The following FAT3 variants were observed in gnomAD, a reference collection of about 807,000 sequenced individuals.
FAT3 encodes FAT atypical cadherin 3.
FAT3 carries 95 observed loss-of-function variants against 310.2 expected under a neutral mutation model. The ratio of observed to expected loss-of-function variants is 0.31; its 90% CI spans 0.26 to 0.36. The LOEUF (loss-of-function observed/expected upper bound fraction) is 0.36. Ranked by LOEUF, FAT3 falls within the 10% of genes least tolerant of loss-of-function variation. FAT3 has a pLI of 1.00. For missense variants in FAT3, 5,408 were observed against 5,715.6 expected, an observed-to-expected ratio of 0.95 and a Z score of 1.74; for synonymous variants, 2,314 against 2,192.9, an observed-to-expected ratio of 1.06 and a Z score of -1.54.
At chr11:92,884,230 T>G (rs1178870864) in intron 24 of FAT3, among the ~76,000 whole-genome samples, 2 of 152,210 alleles carry the variant, frequency 1.3e-5, no homozygotes, top group Non-Finnish European at 2.9e-5. Flanking sequence ...GGATACATTT[T>G]AACAGCAGCA....
chr11:92,437,641 G>C (rs2135058445), intron 2 of FAT3, among the ~76,000 whole-genome samples: 1 of 152,290 alleles, frequency 6.6e-6, no homozygotes, highest in South Asian at 2.1e-4. Flanking sequence ...TTTTCAACAG[G>C]TGTCAGTGAT....
At chr11:92,377,632 A>G (rs970534623) in intron 2 of FAT3, among the ~76,000 whole-genome samples, 3 of 152,204 alleles carry the variant, frequency 2.0e-5, no homozygotes, top group Non-Finnish European at 4.4e-5. Context: ...CTCTTGGTTC[A>G]GGATCAGCTG....
At chr11:92,848,830 A>C (rs1948748894) in intron 19 of FAT3, among the ~76,000 whole-genome samples, 1 of 152,230 alleles carries the variant, frequency 6.6e-6, no homozygotes. Flanking sequence ...GTGTATAAAG[A>C]GGAATCACTG....
intron 2 of FAT3, among the ~76,000 whole-genome samples, chr11:92,438,105 T>C (rs1950984647): frequency 6.6e-6 from 1 of 152,106 alleles, no homozygotes; most frequent in Admixed American, 6.6e-5. Flanking sequence ...GATATAATGA[T>C]TAAAAAACAA....
rs566387294 is a variant in FAT3 at position 92,266,734 on chromosome 11, TAG to T, written c.-18+41567_-18+41568del. Among the ~76,000 whole-genome samples, 226 of 152,244 alleles carry T rather than the reference TAG, an allele frequency of 1.5e-3. 1 individual carries two copies. The highest frequency in any genetic ancestry group is 5.3e-3 in the African/African-American group (220 of 41,572). On this transcript the variant is annotated intron_variant, in intron 1 of 27. Transcript: ENST00000525166. The stretch of plus-strand genomic sequence containing the variant: ...GAGACTAATTCCTTGTTCCATTTTG[TAG>T]AGAGAGTGTTTCTTCTGTTTGTTGG...
At chr11:92,486,704 C>G (rs755558914) in intron 2 of FAT3, among the ~76,000 whole-genome samples, 5 of 152,148 alleles carry the variant, frequency 3.3e-5, no homozygotes, top group Admixed American at 6.5e-5. Flanking sequence ...ACTCTATTCT[C>G]TAAGTCTTTG....
chr11:92,860,097 G>C (rs1050712881), intron 21 of FAT3, among the ~76,000 whole-genome samples: 1 of 152,196 alleles, frequency 6.6e-6, no homozygotes, highest in Non-Finnish European at 1.5e-5. Context: ...AGCTACTTGG[G>C]AGGCTGAGGC....
intron 2 of FAT3, among the ~76,000 whole-genome samples, chr11:92,510,529 A>G (rs544005772): frequency 6.6e-6 from 1 of 152,304 alleles, no homozygotes; most frequent in African/African-American, 2.4e-5. Context: ...AAGAGTTTTT[A>G]TAGAGAGAAG....
At chr11:92,431,179 C>T (rs1210691805) in intron 2 of FAT3, among the ~76,000 whole-genome samples, 9 of 152,146 alleles carry the variant, frequency 5.9e-5, no homozygotes. Context: ...CCTGTTGTTT[C>T]CTGACTTTTT....
chr11:92,493,152 C>T (rs1952657169), intron 2 of FAT3, among the ~76,000 whole-genome samples: 1 of 152,070 alleles, frequency 6.6e-6, no homozygotes, highest in Non-Finnish European at 1.5e-5. Flanking sequence ...TGTCTCAAAC[C>T]TGCCTGCACC....
chr11:92,614,635 A>T (rs1461859607), intron 3 of FAT3, among the ~76,000 whole-genome samples: 1 of 152,186 alleles, frequency 6.6e-6, no homozygotes. Flanking sequence ...TATGATTTCC[A>T]AATTATTTCT....
intron 5 of FAT3, among the ~76,000 whole-genome samples, chr11:92,764,324 C>G (rs913601292): frequency 6.6e-6 from 1 of 152,110 alleles, no homozygotes; most frequent in Non-Finnish European, 1.5e-5. Flanking sequence ...CTTTCCCAGC[C>G]CACTCTATCT....
chr11:92,376,391 A>G (rs1949346295), intron 2 of FAT3, among the ~76,000 whole-genome samples: 3 of 152,232 alleles, frequency 2.0e-5, no homozygotes, highest in African/African-American at 7.2e-5. Flanking sequence ...ACAGAGGGAA[A>G]TAACAGTGGG....
intron 3 of FAT3, among the ~76,000 whole-genome samples, chr11:92,616,044 G>C: frequency 6.6e-6 from 1 of 152,158 alleles, no homozygotes; most frequent in East Asian, 1.9e-4. Flanking sequence ...TTAACTTTCT[G>C]TCTCATTGAT....
Position 92,570,111 on chromosome 11 carries a change from G to A in FAT3, c.3607+45163G>A, listed in dbSNP as rs184161769. ...CATGTAGTAAAATTGAGCAATGGCT[G>A]TTGAGTAAAGAACACGGTGAATATG... On this transcript the variant is annotated intron_variant, in intron 3 of 27. Coordinates refer to ENST00000525166, the MANE Select transcript of FAT3 (RefSeq NM_001367949.2). Among the ~76,000 whole-genome samples, 12 of 152,294 alleles carry A rather than the reference G, an allele frequency of 7.9e-5. No individual in the cohort carries two copies. In the South Asian group the frequency reaches 1.9e-3, roughly 24 times the overall value.
At chr11:92,529,373 A>C (rs1307442574) in intron 3 of FAT3, among the ~76,000 whole-genome samples, 1 of 152,208 alleles carries the variant, frequency 6.6e-6, no homozygotes, top group Non-Finnish European at 1.5e-5. Flanking sequence ...AAACAAGTGA[A>C]GCTTACCAGA....
chr11:92,697,678 G>A (rs1591620135), intron 4 of FAT3, among the ~76,000 whole-genome samples: 2 of 152,188 alleles, frequency 1.3e-5, no homozygotes, highest in Non-Finnish European at 2.9e-5. Context: ...GAAGGCAATG[G>A]TGTATCACCG....
chr11:92,434,219 G>A (rs1354739779), intron 2 of FAT3, among the ~76,000 whole-genome samples: 1 of 152,080 alleles, frequency 6.6e-6, no homozygotes, highest in South Asian at 2.1e-4. Context: ...GCCTTGCTTG[G>A]GGTGTTCATG....
intron 6 of FAT3, among the ~76,000 whole-genome samples, chr11:92,768,533 CTAT>C (rs1946378968): frequency 6.6e-6 from 1 of 152,060 alleles, no homozygotes; most frequent in African/African-American, 2.4e-5. Context: ...CTTTAAATAC[CTAT>C]TGTTTCCTTT....
Sources: gnomAD v4.1 joint callset for allele counts (sites outside exome capture counted in the v4.1 genomes callset) on GRCh38, gnomAD v4.1.1 for gene constraint, MANE v1.5 for transcripts, NCBI Gene and HGNC (gene_info 2026-07-23, HGNC 2026-07-21) for gene names.